Variants in TLK2 observed in about 807,000 individuals in gnomAD.
TLK2 encodes the protein tousled like kinase 2.
Under a neutral mutation model 117.3 loss-of-function variants are expected in TLK2, and 6 were observed. The observed-to-expected ratio is 0.05, with a 90% CI of 0.03 to 0.10. The LOEUF (loss-of-function observed/expected upper bound fraction) is 0.10. TLK2 is among the 10% of genes least tolerant of loss of function. The pLI is 1.00. For synonymous variants in TLK2, 257 were observed against 316.7 expected (o/e 0.81, Z 2.00); for missense variants, 299 against 901.2 (o/e 0.33, Z 8.56).
intron 11 of TLK2, among the ~76,000 whole-genome samples, chr17:62,570,669 G>A (rs933256287): frequency 6.6e-6 from 1 of 152,166 alleles, no homozygotes; most frequent in African/African-American, 2.4e-5. Context: ...TGGTGCATCA[G>A]CTTTCATGTT....
intron 2 of TLK2, among the ~76,000 whole-genome samples, chr17:62,513,319 T>C (rs1449952630): frequency 4.7e-5 from 2 of 42,324 alleles, no homozygotes; most frequent in African/African-American, 1.8e-4. Context: ...TTAAATTGCC[T>C]TTTTTTTTTT....
intron 9 of TLK2, among the ~76,000 whole-genome samples, chr17:62,554,427 T>G (rs1211866955): frequency 6.6e-6 from 1 of 151,894 alleles, no homozygotes; most frequent in Non-Finnish European, 1.5e-5. Context: ...TAAAAAAATA[T>G]AAAACGTTAT....
chr17:62,576,604 G>T (rs2080805921), intron 12 of TLK2, 105 bp from the exon 13 acceptor site: 2 of 870,596 alleles, frequency 2.3e-6, no homozygotes, highest in Non-Finnish European at 3.8e-6. Context: ...CATTTTAACT[G>T]AGACTGAAAC....
chr17:62,516,223 C>G, intron 2 of TLK2: 1 of 732,546 alleles, frequency 1.4e-6, no homozygotes, highest in Non-Finnish European at 2.3e-6. Flanking sequence ...CCGCGCCCGG[C>G]TCTCCCTGTT....
At chr17:62,566,258 T>G (rs1401884453) in intron 11 of TLK2, among the ~76,000 whole-genome samples, 1 of 152,172 alleles carries the variant, frequency 6.6e-6, no homozygotes, top group African/African-American at 2.4e-5. Context: ...TGTGTTTTTT[T>G]GCTGAAATAG....
chr17:62,480,376 G>T (rs1432219800), intron 1 of TLK2, among the ~76,000 whole-genome samples: 1 of 152,200 alleles, frequency 6.6e-6, no homozygotes, highest in Non-Finnish European at 1.5e-5. Context: ...GGTTATGGAA[G>T]TTTAAAAATG....
intron 11 of TLK2, among the ~76,000 whole-genome samples, chr17:62,569,715 C>G (rs1192127282): frequency 1.3e-5 from 2 of 152,076 alleles, no homozygotes; most frequent in Admixed American, 1.3e-4. Context: ...GTGTGAGCCA[C>G]CGCGCCCGGC....
At chr17:62,503,371 T>G (rs1028519295) in intron 2 of TLK2, among the ~76,000 whole-genome samples, 32 of 151,752 alleles carry the variant, frequency 2.1e-4, no homozygotes, top group African/African-American at 7.2e-4. Flanking sequence ...CTTAACATTT[T>G]TTATTTAGAT....
chr17:62,551,572 G>GC (rs2078461056), intron 7 of TLK2: 1 of 152,486 alleles, frequency 6.6e-6, no homozygotes, highest in African/African-American at 2.4e-5. Context: ...AGGCATGGTG[G>GC]CGGGTGCCTG....
At chr17:62,606,083 C>A in intron 19 of TLK2, 47 bp from the exon 20 acceptor site, 2 of 772,260 alleles carry the variant, frequency 2.6e-6, no homozygotes, top group South Asian at 2.3e-5. Context: ...ATGTCTTAAA[C>A]TTATATGATC....
intron 6 of TLK2, among the ~76,000 whole-genome samples, chr17:62,529,888 GT>G (rs2145715094): frequency 6.6e-6 from 1 of 151,702 alleles, no homozygotes; most frequent in East Asian, 1.9e-4. Context: ...TGTCTTTGGT[GT>G]TTCTCTTAGA....
At chr17:62,529,054 T>C (rs1301608223) in intron 6 of TLK2, among the ~76,000 whole-genome samples, 2 of 152,220 alleles carry the variant, frequency 1.3e-5, no homozygotes, top group African/African-American at 4.8e-5. Context: ...GTAGGTAAAC[T>C]CAGTGTTTAA....
chr17:62,579,657 A>G (rs190269490), intron 14 of TLK2, among the ~76,000 whole-genome samples: 129 of 152,360 alleles, frequency 8.5e-4, no homozygotes, highest in African/African-American at 3.0e-3. Context: ...GAATGCACAT[A>G]GAACATGTGA....
At chr17:62,482,325 G>C (rs2071760105) in intron 2 of TLK2, among the ~76,000 whole-genome samples, 1 of 152,062 alleles carries the variant, frequency 6.6e-6, no homozygotes, top group Non-Finnish European at 1.5e-5. Flanking sequence ...ATGGTAACCT[G>C]GGTGTTGATC....
intron 11 of TLK2, among the ~76,000 whole-genome samples, chr17:62,567,717 A>G (rs943886883): frequency 2.0e-4 from 30 of 152,200 alleles, no homozygotes; most frequent in Non-Finnish European, 4.0e-4. Flanking sequence ...TAACAACACT[A>G]CTAGGTTTTA....
intron 21 of TLK2, 89 bp from the exon 22 acceptor site, chr17:62,612,302 TG>T: frequency 7.1e-7 from 1 of 1,411,268 alleles, no homozygotes; most frequent in Non-Finnish European, 9.6e-7. Flanking sequence ...ATATTTGCTC[TG>T]GGCCCTGGCA....
chr17:62,483,436 T>C (rs1376815890), intron 2 of TLK2, among the ~76,000 whole-genome samples: 1 of 152,252 alleles, frequency 6.6e-6, no homozygotes, highest in East Asian at 1.9e-4. Flanking sequence ...CCTATCTGTT[T>C]AATAGGAAAT....
At chr17:62,517,208 G>C (rs370104395) in intron 2 of TLK2, among the ~76,000 whole-genome samples, 2 of 150,066 alleles carry the variant, frequency 1.3e-5, no homozygotes, top group Admixed American at 6.6e-5. Context: ...CCAGCCTCCA[G>C]CACCAGGTTT....
intron 17 of TLK2, 69 bp from the exon 18 acceptor site, chr17:62,600,582 G>T: frequency 7.3e-7 from 1 of 1,368,588 alleles, no homozygotes; most frequent in Non-Finnish European, 9.8e-7. Context: ...TTTCACATGG[G>T]ACTAATTTAG....
Sources: allele counts gnomAD v4.1 joint callset (sites outside exome capture counted in the v4.1 genomes callset), GRCh38; gene constraint gnomAD v4.1.1; transcripts MANE v1.5; gene names NCBI Gene and HGNC (gene_info 2026-07-23, HGNC 2026-07-21).